PTPRN2: variants seen among roughly 807,000 people sequenced by gnomAD.
The protein encoded by PTPRN2 is protein tyrosine phosphatase receptor type N2.
In PTPRN2, 74 loss-of-function variants were observed where a neutral mutation model predicts 118.8. That is an observed-to-expected ratio of 0.62 (90% CI 0.52 to 0.76). The LOEUF (loss-of-function observed/expected upper bound fraction) is 0.76. Among genes scored for constraint, PTPRN2 ranks in the 30% least tolerant of loss-of-function variants. The pLI, the probability that PTPRN2 is intolerant of heterozygous loss-of-function variation, is 0.00. For synonymous variants in PTPRN2, 641 were observed against 608.0 expected, an observed-to-expected ratio of 1.05 and a Z score of -0.80; for missense variants, 1,481 against 1,394.4, an observed-to-expected ratio of 1.06 and a Z score of -0.99.
chr7:157,909,603 C>T (rs1203382237), intron 11 of PTPRN2, among the ~76,000 whole-genome samples: 1 of 152,264 alleles, frequency 6.6e-6, no homozygotes, highest in Non-Finnish European at 1.5e-5. Flanking sequence ...GCTCCTGCCT[C>T]AGGGCCTTTG....
At position 157,611,748 on chromosome 7, in the gene PTPRN2, C is replaced by T. The variant is rs996641041; in HGVS notation, c.2345-7673G>A. 4.0e-5 allele frequency among the ~76,000 whole-genome samples: 6 copies of T among 149,246 alleles called. 1 individual carries two copies. Among genetic ancestry groups the T allele is most frequent in the African/African-American group, 7.4e-5 (3 of 40,486 alleles). On this transcript the variant is annotated intron_variant, in intron 15 of 22. Coordinates refer to ENST00000389418, the MANE Select transcript of PTPRN2 (RefSeq NM_002847.5). This position sits in a 1 kb window ranked among gnomAD's most constrained non-coding sequence, Gnocchi z 5.9. ...ATGCTGGGGACACGCGGAGGGAGCG[C>T]GCCCGTGTGAAGACGAAGACAGCCG...
At chr7:157,960,805 G>A (rs1309544093) in intron 11 of PTPRN2, among the ~76,000 whole-genome samples, 1 of 152,106 alleles carries the variant, frequency 6.6e-6, no homozygotes, top group East Asian at 1.9e-4. Flanking sequence ...TCAGAAGTTC[G>A]AGACCAGCCT....
At chr7:158,017,894 T>C (rs1249828974) in intron 11 of PTPRN2, among the ~76,000 whole-genome samples, 45 of 152,112 alleles carry the variant, frequency 3.0e-4, no homozygotes, top group Non-Finnish European at 1.5e-5. Flanking sequence ...TAATTTTGCA[T>C]TGCAGTCAGC....
At chr7:157,879,310 G>C (rs1795981161) in intron 12 of PTPRN2, among the ~76,000 whole-genome samples, 3 of 152,160 alleles carry the variant, frequency 2.0e-5, no homozygotes, top group Admixed American at 2.0e-4. Flanking sequence ...GAAAAGCACA[G>C]CCTCCATGAG....
chr7:157,848,674 G>T (rs112904033), intron 12 of PTPRN2, among the ~76,000 whole-genome samples: 1 of 152,212 alleles, frequency 6.6e-6, no homozygotes, highest in African/African-American at 2.4e-5. Flanking sequence ...CAGAAATGAC[G>T]GCTTCCGCGG....
In PTPRN2 at chr7:158,132,647, C is replaced by T. The variant is rs116349755; in HGVS notation, c.1556+1030G>A. On this transcript the variant is annotated intron_variant, in intron 9 of 22. Transcript: ENST00000389418. ...ACTCATATACACAGATGCAGATACA[C>T]ATCTACCCTACACACTCATATACAC... Among the ~76,000 whole-genome samples, 943 of 151,682 alleles carry T rather than the reference C, an allele frequency of 6.2e-3. 10 individuals are homozygous for T. The highest frequency in any genetic ancestry group is 0.017 in the African/African-American group (692 of 41,164).
At chr7:158,561,735 A>G (rs1827396882) in intron 1 of PTPRN2, among the ~76,000 whole-genome samples, 1 of 152,202 alleles carries the variant, frequency 6.6e-6, no homozygotes, top group Admixed American at 6.5e-5. Flanking sequence ...GTCTGTGCAC[A>G]GTCCCTGTGC....
At chr7:157,917,324 G>A (rs1301330474) in intron 11 of PTPRN2, among the ~76,000 whole-genome samples, 1 of 152,252 alleles carries the variant, frequency 6.6e-6, no homozygotes, top group African/African-American at 2.4e-5. Context: ...TGGAGCATTT[G>A]AAAGGCATTT....
intron 6 of PTPRN2, among the ~76,000 whole-genome samples, chr7:158,143,103 T>C (rs1174104435): frequency 1.3e-5 from 2 of 152,082 alleles, no homozygotes; most frequent in East Asian, 3.9e-4. Context: ...TTCCCAGCGA[T>C]TATCATCGCG....
chr7:158,142,396 G>A (rs112703978), intron 6 of PTPRN2, among the ~76,000 whole-genome samples: 3 of 152,274 alleles, frequency 2.0e-5, no homozygotes, highest in African/African-American at 4.8e-5. Flanking sequence ...TCCCTGTATC[G>A]ACCCATGGCG....
rs143707576 is a variant in PTPRN2, at chr7:157,619,422, G to A, written c.2344+1940C>T. 2.8e-3 allele frequency among the ~76,000 whole-genome samples: 423 copies of A among 151,888 alleles called. 6 individuals carry two copies. The highest frequency in any genetic ancestry group is 9.6e-3 in the African/African-American group (398 of 41,424). ...TCCTACCACACCGGCTTCACTCCCC[G>A]CCCTCTCCTCCCCCAGGCTGCTCCT... On this transcript the variant is annotated intron_variant, in intron 15 of 22. Transcript: ENST00000389418. The surrounding 1 kb of genome is among the most constrained non-coding windows in gnomAD (Gnocchi z 5.3).
intron 3 of PTPRN2, among the ~76,000 whole-genome samples, chr7:158,215,417 G>T (rs1449841179): frequency 6.6e-6 from 1 of 152,110 alleles, no homozygotes; most frequent in East Asian, 1.9e-4. Context: ...TTCAAAAAGA[G>T]GAGTGAAAGA....
Position 158,218,032 on chromosome 7 carries a change from T to C in PTPRN2, c.278-12759A>G, listed in dbSNP as rs537808687. On this transcript the variant is annotated intron_variant, in intron 3 of 22. Coordinates refer to ENST00000389418, the MANE Select transcript of PTPRN2 (RefSeq NM_002847.5). ...TTGGAAAACATAGTTGAGGATACAG[T>C]CCATGAAAATTTTCCCAATCTCACT... Among the ~76,000 whole-genome samples the C allele has an allele frequency of 5.3e-5, 8 of 152,218 alleles. No individual in the cohort carries two copies. The South Asian group carries it at 1.7e-3, about 32-fold the overall frequency.
intron 1 of PTPRN2, among the ~76,000 whole-genome samples, chr7:158,512,273 C>T (rs767427850): frequency 2.6e-5 from 4 of 152,170 alleles, no homozygotes; most frequent in Non-Finnish European, 5.9e-5. Flanking sequence ...CCAAGAGGTA[C>T]CAGCTAGCAA....
At chr7:158,130,722 A>T (rs1414397663) in intron 9 of PTPRN2, among the ~76,000 whole-genome samples, 1 of 151,968 alleles carries the variant, frequency 6.6e-6, no homozygotes, top group African/African-American at 2.4e-5. Context: ...ATATACACAC[A>T]TGCACATACG....
chr7:157,812,146 G>A (rs1024993784), intron 12 of PTPRN2, among the ~76,000 whole-genome samples: 1 of 152,166 alleles, frequency 6.6e-6, no homozygotes, highest in Non-Finnish European at 1.5e-5. Context: ...TGAGCAGAGG[G>A]CAGTGTCTGC....
chr7:158,004,356 TG>T (rs1805500206), intron 11 of PTPRN2, among the ~76,000 whole-genome samples: 1 of 152,192 alleles, frequency 6.6e-6, no homozygotes, highest in Non-Finnish European at 1.5e-5. Flanking sequence ...GCTTCCTGTG[TG>T]TCCACAGCTG....
chr7:157,853,416 G>A (rs1809439827), intron 12 of PTPRN2, among the ~76,000 whole-genome samples: 1 of 152,132 alleles, frequency 6.6e-6, no homozygotes, highest in South Asian at 2.1e-4. Flanking sequence ...TTTAAACCCT[G>A]GAGAACCATG....
intron 8 of PTPRN2, among the ~76,000 whole-genome samples, chr7:158,135,387 A>G (rs183765022): frequency 3.9e-4 from 60 of 152,372 alleles, no homozygotes; most frequent in African/African-American, 1.4e-3. Flanking sequence ...GTTACTAAAC[A>G]GAGCTAGGAA....
Sources: allele counts gnomAD v4.1 joint callset (sites outside exome capture counted in the v4.1 genomes callset), GRCh38; gene constraint gnomAD v4.1.1; non-coding constraint Gnocchi (gnomAD v3.1); transcripts MANE v1.5; gene names NCBI Gene and HGNC (gene_info 2026-07-23, HGNC 2026-07-21).